DPP10: variants seen among roughly 807,000 people sequenced by gnomAD.
DPP10 encodes the protein inactive dipeptidyl peptidase 10.
Under a neutral mutation model 120.9 loss-of-function variants are expected in DPP10, and 33 were observed. The ratio of observed to expected loss-of-function variants is 0.27; its 90% CI spans 0.21 to 0.37. The LOEUF is 0.37. Among genes scored for constraint, DPP10 ranks in the 10% least tolerant of loss-of-function variants. DPP10 has a pLI of 1.00. For missense variants in DPP10, 816 were observed against 942.8 expected, an observed-to-expected ratio of 0.87 and a Z score of 1.76; for synonymous variants, 337 against 326.1, an observed-to-expected ratio of 1.03 and a Z score of -0.36.
At chr2:114,816,834 G>A (rs540316958) in intron 1 of DPP10, among the ~76,000 whole-genome samples, 2 of 152,136 alleles carry the variant, frequency 1.3e-5, no homozygotes, top group East Asian at 3.9e-4. Context: ...GGTAGTCAGA[G>A]GCACAGGAAG....
chr2:115,324,842 CT>C (rs989652236), intron 2 of DPP10, among the ~76,000 whole-genome samples: 8 of 152,084 alleles, frequency 5.3e-5, no homozygotes, highest in Admixed American at 4.6e-4. Context: ...ACATTTGACT[CT>C]TCCTTTCGCT....
intron 4 of DPP10, among the ~76,000 whole-genome samples, chr2:115,507,890 T>C (rs2077029527): frequency 6.6e-6 from 1 of 152,100 alleles, no homozygotes; most frequent in Admixed American, 6.6e-5. Flanking sequence ...AGGGATGCTA[T>C]TGGAGAAGGT....
At chr2:115,054,945 T>C (rs1440742097) in intron 1 of DPP10, among the ~76,000 whole-genome samples, 1 of 152,170 alleles carries the variant, frequency 6.6e-6, no homozygotes, top group East Asian at 1.9e-4. Context: ...ATACCTGCTA[T>C]GTACAATTTC....
At chr2:115,176,529 T>C (rs1431610598) in intron 1 of DPP10, among the ~76,000 whole-genome samples, 1 of 152,058 alleles carries the variant, frequency 6.6e-6, no homozygotes, top group Non-Finnish European at 1.5e-5. Context: ...TCACATACAG[T>C]CATACATATT....
chr2:114,696,608 C>T (rs752234685), intron 1 of DPP10, among the ~76,000 whole-genome samples: 111 of 152,006 alleles, frequency 7.3e-4, no homozygotes, highest in Non-Finnish European at 1.0e-3. Context: ...TGTCCCTTAT[C>T]ATTTAGCAAA....
chr2:115,835,433 G>A (rs976388847), intron 21 of DPP10, among the ~76,000 whole-genome samples: 2 of 152,076 alleles, frequency 1.3e-5, no homozygotes, highest in Non-Finnish European at 2.9e-5. Context: ...TTCTCTTCCT[G>A]GTGCGGAAAG....
rs1385411554 is a variant in DPP10, at chr2:114,595,114, A to G, written c.60+152276A>G. ...TAAATGTTATTTGTTTTTCCCTGAC[A>G]TGTATCAAATTTTAGTTTTCACTCT... On this transcript the variant is annotated intron_variant, in intron 1 of 25. Transcript: ENST00000410059. Among the ~76,000 whole-genome samples the G allele has an allele frequency of 2.6e-5, 4 of 152,212 alleles. No individual in the cohort carries two copies. In the South Asian group the frequency reaches 6.2e-4, roughly 24 times the overall value.
intron 1 of DPP10, among the ~76,000 whole-genome samples, chr2:114,969,207 A>T (rs1233898621): frequency 1.3e-5 from 2 of 152,204 alleles, no homozygotes; most frequent in African/African-American, 4.8e-5. Flanking sequence ...AATAATGCAG[A>T]CTCATATTAC....
chr2:115,015,637 A>G (rs1211589564), intron 1 of DPP10, among the ~76,000 whole-genome samples: 1 of 152,210 alleles, frequency 6.6e-6, no homozygotes, highest in East Asian at 1.9e-4. Context: ...TAGGCTGATA[A>G]GCAACTTCAG....
In DPP10 at chr2:115,796,865, A is replaced by G. The variant is rs574258948; in HGVS notation, c.1700+5509A>G. On this transcript the variant is annotated intron_variant, in intron 19 of 25. Coordinates refer to ENST00000410059, the MANE Select transcript of DPP10 (RefSeq NM_020868.6). ...AAACTATAACTAAAATAGGTCATGTATGTGTTCCCCCAAGTTCACAGAAGG... is the reference window on the plus strand; with the variant it reads ...AAACTATAACTAAAATAGGTCATGTGTGTGTTCCCCCAAGTTCACAGAAGG... 1.2e-4 allele frequency among the ~76,000 whole-genome samples: 18 copies of G among 152,206 alleles called. No homozygotes were observed. The South Asian group carries it at 3.3e-3, about 28-fold the overall frequency.
At chr2:115,162,247 A>G in intron 1 of DPP10, 3 of 1,561,100 alleles carry the variant, frequency 1.9e-6, no homozygotes, top group Non-Finnish European at 2.6e-6. Context: ...CGCAAGGTGG[A>G]GAGCCGCGGG....
intron 1 of DPP10, among the ~76,000 whole-genome samples, chr2:115,070,860 C>T (rs1707307031): frequency 6.6e-6 from 1 of 152,102 alleles, no homozygotes; most frequent in Non-Finnish European, 1.5e-5. Context: ...AGAATTTTCT[C>T]AAATTTATTT....
chr2:115,263,953 GAGTTATA>G (rs1348765416), intron 1 of DPP10, among the ~76,000 whole-genome samples: 1 of 151,984 alleles, frequency 6.6e-6, no homozygotes, highest in African/African-American at 2.4e-5. Flanking sequence ...AAGAAATGAT[GAGTTATA>G]AGTTATATCT....
intron 1 of DPP10, among the ~76,000 whole-genome samples, chr2:115,019,411 A>G (rs1261765040): frequency 6.6e-6 from 1 of 152,156 alleles, no homozygotes; most frequent in Admixed American, 6.5e-5. Context: ...AATAAGTAGA[A>G]GAAAGAACTT....
intron 5 of DPP10, among the ~76,000 whole-genome samples, 182 bp from the exon 6 acceptor site, chr2:115,689,505 T>C (rs1469596572): frequency 1.3e-5 from 2 of 152,108 alleles, no homozygotes; most frequent in Non-Finnish European, 2.9e-5. Flanking sequence ...GGAATTGATA[T>C]TAGAAAGAAA....
At chr2:115,675,374 G>A (rs139534144) in intron 5 of DPP10, among the ~76,000 whole-genome samples, 13 of 152,242 alleles carry the variant, frequency 8.5e-5, no homozygotes, top group African/African-American at 3.1e-4. Flanking sequence ...TCAAACAGAT[G>A]TCATCAAGAT....
chr2:114,531,967 C>T (rs1484056726), intron 1 of DPP10, among the ~76,000 whole-genome samples: 1 of 151,670 alleles, frequency 6.6e-6, no homozygotes, highest in Non-Finnish European at 1.5e-5. Flanking sequence ...TGTGGGTAGG[C>T]GTCATCTAAT....
At chr2:115,446,958 G>A (rs1414555657) in intron 3 of DPP10, among the ~76,000 whole-genome samples, 2 of 152,198 alleles carry the variant, frequency 1.3e-5, no homozygotes, top group African/African-American at 4.8e-5. Flanking sequence ...TATTTGACCA[G>A]GATGACAGTG....
Position 115,555,742 on chromosome 2 carries a change from C to G in DPP10, c.441+29770C>G, listed in dbSNP as rs537056352. On this transcript the variant is annotated intron_variant, in intron 5 of 25. Transcript: ENST00000410059. ...CTTCATATGATTATGTTCCTTTTTTCTATCTAAAGATGGTATCCCCTAAGT... is the reference window on the plus strand; with the variant it reads ...CTTCATATGATTATGTTCCTTTTTTGTATCTAAAGATGGTATCCCCTAAGT... Among the ~76,000 whole-genome samples, 20 of 152,126 alleles carry G rather than the reference C, an allele frequency of 1.3e-4. No homozygotes were observed. The South Asian group carries it at 4.1e-3, about 32-fold the overall frequency.
Sources: allele counts gnomAD v4.1 joint callset (sites outside exome capture counted in the v4.1 genomes callset), GRCh38; gene constraint gnomAD v4.1.1; transcripts MANE v1.5; gene names NCBI Gene and HGNC (gene_info 2026-07-23, HGNC 2026-07-21).